The following FBXL18 variants were observed in gnomAD, a reference collection of about 807,000 sequenced individuals.
FBXL18 encodes the protein F-box/LRR-repeat protein 18.
In FBXL18, 36 loss-of-function variants were observed where a neutral mutation model predicts 46.0. That is an observed-to-expected ratio of 0.78 (90% confidence interval 0.60 to 1.03). The LOEUF (loss-of-function observed/expected upper bound fraction) is 1.03. Ranked by LOEUF, FBXL18 falls within the 50% of genes least tolerant of loss-of-function variation. FBXL18 has a pLI of 0.00. For missense variants in FBXL18, 977 were observed against 1,004.1 expected, an observed-to-expected ratio of 0.97 and a Z score of 0.36; for synonymous variants, 557 against 465.3, an observed-to-expected ratio of 1.20 and a Z score of -2.54.
chr7:5,471,402 A>G (rs1043383885), downstream of FBXL18, among the ~76,000 whole-genome samples: 2 of 152,012 alleles, frequency 1.3e-5, no homozygotes, highest in Admixed American at 6.6e-5. Flanking sequence ...TCAGCCTCCC[A>G]AGTAGCTGGG....
At position 5,496,707 on chromosome 7, in the gene FBXL18, C is replaced by A. The variant is rs77553720; in HGVS notation, c.1781+3781G>T. Reference sequence around the variant, plus strand: ...GACCAGCCCGGGCAACACAGCAAGACCCCGTCTCTACAAAAAATACAAAAA... The same window carrying A: ...GACCAGCCCGGGCAACACAGCAAGAACCCGTCTCTACAAAAAATACAAAAA... On this transcript the variant is annotated intron_variant, in intron 3 of 4. Coordinates refer to ENST00000382368, the MANE Select transcript of FBXL18 (RefSeq NM_024963.6). The surrounding 1 kb of genome is among the most constrained non-coding windows in gnomAD (Gnocchi z 4.8). 0.012 allele frequency among the ~76,000 whole-genome samples: 1,784 copies of A among 152,216 alleles called. 224 individuals are homozygous for A. In the East Asian group the frequency reaches 0.29, roughly 25 times the overall value.
At chr7:5,512,640 G>C (rs961519772) in intron 1 of FBXL18, among the ~76,000 whole-genome samples, 2 of 152,128 alleles carry the variant, frequency 1.3e-5, no homozygotes, top group African/African-American at 4.8e-5. Flanking sequence ...AACAGAGGGG[G>C]CTTTAAGCTG....
intron 1 of FBXL18, among the ~76,000 whole-genome samples, chr7:5,510,302 C>CCAAAAA (rs1562709255): frequency 1.3e-5 from 1 of 77,588 alleles, no homozygotes; most frequent in Admixed American, 1.5e-4. Context: ...GACTCTGTCT[C>CCAAAAA]AAAAAAAAAA....
chr7:5,491,130 A>C (rs927398363), intron 4 of FBXL18, 101 bp downstream of exon 4: 1 of 1,143,962 alleles, frequency 8.7e-7, no homozygotes, highest in African/African-American at 1.5e-5. Context: ...CGTCAATTCC[A>C]AGAAACCACT....
chr7:5,459,688 A>C (rs1264282691), intron 4 of FBXL18, among the ~76,000 whole-genome samples: 1 of 151,142 alleles, frequency 6.6e-6, no homozygotes, highest in Non-Finnish European at 1.5e-5. Flanking sequence ...TGCAGTGAGC[A>C]GAGATTGTGC....
chr7:5,509,682 A>G (rs545881892), intron 1 of FBXL18, among the ~76,000 whole-genome samples: 1 of 140,986 alleles, frequency 7.1e-6, no homozygotes, highest in South Asian at 2.2e-4. Flanking sequence ...AGCCTGGGTG[A>G]CAGAGTGAGA....
chr7:5,512,298 A>C lies in FBXL18; in HGVS notation c.18+1359T>G, dbSNP rs1339637820. Among the ~76,000 whole-genome samples the C allele has an allele frequency of 2.1e-4, 15 of 71,798 alleles. No homozygotes were observed. In the African/African-American group the frequency reaches 2.2e-3, roughly 10 times the overall value. The allele number at this position is 71,798 out of a possible 152,430, so 47.1% of individuals were successfully genotyped here. On this transcript the variant is annotated intron_variant, in intron 1 of 4. Transcript: ENST00000382368. ...CACTGAACCATGTGAAGTGTTATTT[A>C]AAAAAAAAAAAAAAAAAAAAAAAAA...
chr7:5,507,135 C>G (rs954176492), intron 1 of FBXL18, among the ~76,000 whole-genome samples: 1 of 152,206 alleles, frequency 6.6e-6, no homozygotes, highest in East Asian at 1.9e-4. Context: ...TGTGTCTACA[C>G]GACCCTCTGG....
At chr7:5,497,941 C>G (rs1174397210) in intron 3 of FBXL18, among the ~76,000 whole-genome samples, 1 of 152,142 alleles carries the variant, frequency 6.6e-6, no homozygotes, top group Non-Finnish European at 1.5e-5. Context: ...CAACCCACCC[C>G]ACCAGCTAAG....
chr7:5,510,767 A>C (rs912115257), intron 1 of FBXL18, among the ~76,000 whole-genome samples: 2 of 151,850 alleles, frequency 1.3e-5, no homozygotes, highest in Non-Finnish European at 2.9e-5. Flanking sequence ...TGGACTCCTA[A>C]GCCCAGAACC....
intron 4 of FBXL18, among the ~76,000 whole-genome samples, chr7:5,483,863 G>A (rs7806101): frequency 1.3e-5 from 2 of 151,950 alleles, no homozygotes; most frequent in African/African-American, 2.4e-5. Flanking sequence ...AAGTCCCCCC[G>A]GCCACAGCGG....
chr7:5,465,501 G>GTCTCAC (rs1783328496), intron 4 of FBXL18, among the ~76,000 whole-genome samples: 1 of 152,112 alleles, frequency 6.6e-6, no homozygotes. Flanking sequence ...GATTGAGACA[G>GTCTCAC]TCTCACTCTG....
At chr7:5,459,053 T>C (rs528178436) in intron 4 of FBXL18, among the ~76,000 whole-genome samples, 1 of 152,138 alleles carries the variant, frequency 6.6e-6, no homozygotes, top group East Asian at 1.9e-4. Context: ...CTGAGGAAGC[T>C]GAGGGTAGAG....
rs185971762 is a variant in FBXL18, at chr7:5,507,069, C to T, written c.19-1439G>A. 1.7e-3 allele frequency among the ~76,000 whole-genome samples: 252 copies of T among 152,286 alleles called. 2 individuals are homozygous for T. Among genetic ancestry groups the T allele is most frequent in the Non-Finnish European group, 1.9e-3 (129 of 68,032 alleles). ...TCAGAGCAGCTGATCTCTGTAAAGA[C>T]CACGCCGAGGAGAGAGTGCCCGGAA... is the stretch of plus-strand genomic sequence containing the variant. On this transcript the variant is annotated intron_variant, in intron 1 of 4. Transcript: ENST00000382368.
chr7:5,461,936 G>A (rs535180595), intron 4 of FBXL18, among the ~76,000 whole-genome samples: 4 of 152,034 alleles, frequency 2.6e-5, no homozygotes, highest in Admixed American at 2.0e-4. Flanking sequence ...GCAAGACTCC[G>A]TCTCAAAAGA....
intron 4 of FBXL18, among the ~76,000 whole-genome samples, chr7:5,483,256 C>T (rs970949451): frequency 6.6e-6 from 1 of 151,768 alleles, no homozygotes; most frequent in Non-Finnish European, 1.5e-5. Flanking sequence ...GCCTGGCCAA[C>T]ATGGTGAAAC....
At chr7:5,494,163 T>G (rs1336967683) in intron 3 of FBXL18, among the ~76,000 whole-genome samples, 3 of 151,858 alleles carry the variant, frequency 2.0e-5, no homozygotes, top group African/African-American at 7.3e-5. Context: ...TCCCAGCTAC[T>G]CGGGAGGCTG....
chr7:5,486,569 C>G (rs916904495), intron 4 of FBXL18, among the ~76,000 whole-genome samples: 12 of 151,132 alleles, frequency 7.9e-5, no homozygotes, highest in African/African-American at 2.9e-4. Flanking sequence ...AGGAGGATCA[C>G]TTGAGTCTGG....
chr7:5,471,190 T>C (rs1783421467), downstream of FBXL18, among the ~76,000 whole-genome samples: 1 of 152,146 alleles, frequency 6.6e-6, no homozygotes, highest in Admixed American at 6.6e-5. Context: ...AATCAGCCGC[T>C]GTGCAGGGCT....
Sources: gnomAD v4.1 joint callset for allele counts (sites outside exome capture counted in the v4.1 genomes callset) on GRCh38, gnomAD v4.1.1 for gene constraint, Gnocchi (gnomAD v3.1) non-coding constraint, MANE v1.5 for transcripts, NCBI Gene and HGNC (gene_info 2026-07-23, HGNC 2026-07-21) for gene names.